Variants in KCNIP4 observed in about 807,000 individuals in gnomAD.
KCNIP4 encodes the protein Kv channel-interacting protein 4.
A neutral mutation model predicts 34.0 loss-of-function variants in KCNIP4; 12 were observed. The ratio of observed to expected loss-of-function variants is 0.35; its 90% CI spans 0.23 to 0.57. KCNIP4 has a LOEUF of 0.57. KCNIP4 is among the 20% of genes least tolerant of loss of function. The pLI, the probability that KCNIP4 is intolerant of heterozygous loss-of-function variation, is 0.83. For synonymous variants in KCNIP4, 124 were observed against 102.2 expected, an observed-to-expected ratio of 1.21 and a Z score of -1.29; for missense variants, 238 against 311.7, an observed-to-expected ratio of 0.76 and a Z score of 1.78.
At chr4:21,930,277 C>T (rs1001316758) in intron 1 of KCNIP4, among the ~76,000 whole-genome samples, 6 of 152,100 alleles carry the variant, frequency 3.9e-5, no homozygotes, top group Non-Finnish European at 5.9e-5. Flanking sequence ...ATTATACCTG[C>T]TACTGTATCT....
chr4:21,128,318 G>A (rs1053291529), intron 1 of KCNIP4, among the ~76,000 whole-genome samples: 2 of 152,158 alleles, frequency 1.3e-5, no homozygotes, highest in African/African-American at 4.8e-5. Flanking sequence ...TGATTAAAAC[G>A]TTTTGTCAAA....
intron 1 of KCNIP4, among the ~76,000 whole-genome samples, chr4:21,597,012 C>T (rs756374684): frequency 5.3e-5 from 8 of 152,030 alleles, no homozygotes; most frequent in Non-Finnish European, 1.2e-4. Flanking sequence ...TCAAGTGAAA[C>T]ATCATGGGGG....
chr4:20,938,797 A>G (rs536148700), intron 1 of KCNIP4, among the ~76,000 whole-genome samples: 2 of 152,198 alleles, frequency 1.3e-5, no homozygotes, highest in Admixed American at 6.5e-5. Flanking sequence ...TTACTGACAC[A>G]TGGCTTAGTC....
At chr4:21,651,042 C>G (rs1007155450) in intron 1 of KCNIP4, among the ~76,000 whole-genome samples, 1 of 152,150 alleles carries the variant, frequency 6.6e-6, no homozygotes, top group Non-Finnish European at 1.5e-5. Flanking sequence ...CCATAAAGAG[C>G]CTTGCCCTTT....
At chr4:21,516,906 C>T (rs1734813086) in intron 1 of KCNIP4, among the ~76,000 whole-genome samples, 1 of 152,074 alleles carries the variant, frequency 6.6e-6, no homozygotes. Context: ...TGGAAACATA[C>T]ACAATATTAG....
chr4:21,390,606 T>A (rs1002075853), intron 1 of KCNIP4, among the ~76,000 whole-genome samples: 4 of 152,206 alleles, frequency 2.6e-5, no homozygotes, highest in Non-Finnish European at 5.9e-5. Flanking sequence ...AAAGATCAGA[T>A]GGTTGTACAT....
chr4:21,002,989 T>C, intron 1 of KCNIP4, among the ~76,000 whole-genome samples: 1 of 152,158 alleles, frequency 6.6e-6, no homozygotes, highest in East Asian at 1.9e-4. Flanking sequence ...AAGATTTGAG[T>C]ATCATTTTCT....
chr4:21,382,969 T>G (rs1721656220), intron 1 of KCNIP4, among the ~76,000 whole-genome samples: 1 of 152,170 alleles, frequency 6.6e-6, no homozygotes, highest in African/African-American at 2.4e-5. Flanking sequence ...ATGACTGCAT[T>G]TGGAGACAGA....
chr4:21,556,931 A>AAAAAAAAAAAAAAAAAAAAAC (rs1560514270), intron 1 of KCNIP4, among the ~76,000 whole-genome samples: 2 of 134,190 alleles, frequency 1.5e-5, no homozygotes, highest in African/African-American at 2.8e-5. Flanking sequence ...AGAAAAAAAA[A>AAAAAAAAAAAAAAAAAAAAAC]AAAAAAAAAA....
At chr4:21,631,678 T>C (rs1455342395) in intron 1 of KCNIP4, among the ~76,000 whole-genome samples, 1 of 152,192 alleles carries the variant, frequency 6.6e-6, no homozygotes, top group East Asian at 1.9e-4. Flanking sequence ...CTTTCCTCAA[T>C]TCAATTCTAT....
chr4:21,902,947 A>G (rs533683806), intron 1 of KCNIP4, among the ~76,000 whole-genome samples: 43 of 152,262 alleles, frequency 2.8e-4, no homozygotes, highest in African/African-American at 9.9e-4. Context: ...GGGCATCTTC[A>G]TAAGTCCTAG....
chr4:21,299,849 T>C (rs1325348857), intron 1 of KCNIP4, among the ~76,000 whole-genome samples: 2 of 152,194 alleles, frequency 1.3e-5, no homozygotes, highest in Non-Finnish European at 2.9e-5. Context: ...AAAATCCATC[T>C]TTGTGTATAC....
At position 20,809,601 on chromosome 4, in the gene KCNIP4, T is replaced by C. The variant is rs114172001; in HGVS notation, c.288+40942A>G. Among the ~76,000 whole-genome samples the C allele has an allele frequency of 2.9e-3, 444 of 152,310 alleles. 4 individuals carry two copies. Among genetic ancestry groups the C allele is most frequent in the African/African-American group, 0.01 (427 of 41,576 alleles). On this transcript the variant is annotated intron_variant, in intron 3 of 8. Coordinates refer to ENST00000382152, the MANE Select transcript of KCNIP4 (RefSeq NM_025221.6). Reference sequence around the variant, plus strand: ...CGACTGGAATATATGTTTTCCACCTTTTCTGGCCATCAACTGCGTTATCAG... The same window carrying C: ...CGACTGGAATATATGTTTTCCACCTCTTCTGGCCATCAACTGCGTTATCAG...
chr4:21,356,737 C>A (rs184393442), intron 1 of KCNIP4, among the ~76,000 whole-genome samples: 13 of 152,144 alleles, frequency 8.5e-5, no homozygotes, highest in African/African-American at 2.9e-4. Context: ...AATGGCCATA[C>A]TGCCCAAGGT....
intron 1 of KCNIP4, among the ~76,000 whole-genome samples, chr4:21,739,283 ATGCACTAAC>A (rs995508870): frequency 6.6e-6 from 1 of 152,138 alleles, no homozygotes; most frequent in African/African-American, 2.4e-5. Flanking sequence ...TTATAGGAAT[ATGCACTAAC>A]ATTTGCTCTA....
At chr4:20,936,362 C>T (rs1028169232) in intron 1 of KCNIP4, among the ~76,000 whole-genome samples, 1 of 151,692 alleles carries the variant, frequency 6.6e-6, no homozygotes, top group Non-Finnish European at 1.5e-5. Flanking sequence ...ATTCATTTAG[C>T]AAACATTTAT....
At chr4:21,813,517 A>C (rs2109274547) in intron 1 of KCNIP4, among the ~76,000 whole-genome samples, 1 of 152,306 alleles carries the variant, frequency 6.6e-6, no homozygotes, top group South Asian at 2.1e-4. Flanking sequence ...AATGGTGACT[A>C]ACTTTGAAGT....
At chr4:21,037,482 G>A (rs1741553860) in intron 1 of KCNIP4, among the ~76,000 whole-genome samples, 1 of 152,188 alleles carries the variant, frequency 6.6e-6, no homozygotes, top group Non-Finnish European at 1.5e-5. Context: ...ACAATAGGTT[G>A]TCTATTTCCA....
intron 1 of KCNIP4, among the ~76,000 whole-genome samples, chr4:21,513,786 T>C (rs2109929210): frequency 6.6e-6 from 1 of 152,288 alleles, no homozygotes; most frequent in Admixed American, 6.5e-5. Flanking sequence ...GTCATTTAGA[T>C]AACCACAAGA....
Sources: gnomAD v4.1 joint callset for allele counts (sites outside exome capture counted in the v4.1 genomes callset) on GRCh38, gnomAD v4.1.1 for gene constraint, MANE v1.5 for transcripts, NCBI Gene and HGNC (gene_info 2026-07-23, HGNC 2026-07-21) for gene names.